The following ARMC1 variants were observed in gnomAD, a reference collection of about 807,000 sequenced individuals.
ARMC1 encodes armadillo repeat-containing protein 1.
A neutral mutation model predicts 31.4 loss-of-function variants in ARMC1; 16 were observed. The observed-to-expected ratio is 0.51, with a 90% confidence interval of 0.34 to 0.77. The LOEUF (loss-of-function observed/expected upper bound fraction) is 0.77, where lower values mean the gene tolerates loss of function less well. Ranked by LOEUF, ARMC1 falls within the 30% of genes least tolerant of loss-of-function variation. The probability of loss-of-function intolerance (pLI) is 0.01; values close to 1 mark genes in which losing one functional copy is unlikely to be tolerated. For missense variants in ARMC1, 259 were observed against 347.5 expected, an observed-to-expected ratio of 0.75 and a Z score of 2.02; for synonymous variants, 114 against 118.9, an observed-to-expected ratio of 0.96 and a Z score of 0.27.
chr8:65,604,272 G>T lies in ARMC1; in HGVS notation c.*122C>A. ...CAATAAAACGTGAAATGCAGCATAT[G>T]CGATCGTGTAATCTAAAAACTTTTC... On this transcript the variant is annotated 3_prime_UTR_variant, in exon 7 of 7. Coordinates refer to ENST00000276569, the MANE Select transcript of ARMC1 (RefSeq NM_018120.6). The T allele has an allele frequency of 1.2e-6, 1 of 863,562 alleles. No individual in the cohort carries two copies. Among genetic ancestry groups the T allele is most frequent in the Non-Finnish European group, 1.8e-6 (1 of 562,594 alleles). 53.5% of individuals were successfully genotyped at this position (863,562 alleles called of 1,614,324 possible). A position where few individuals can be genotyped will look rare whatever the true frequency, so the allele number is the denominator to read the frequency against.
At chr8:65,627,002 CAA>C (rs139404458) in intron 2 of ARMC1, among the ~76,000 whole-genome samples, 15 of 137,988 alleles carry the variant, frequency 1.1e-4, no homozygotes, top group African/African-American at 1.1e-4. Context: ...CTAGATGACT[CAA>C]AAAAAAAAAA....
Position 65,605,255 on chromosome 8 carries a change from A to G in ARMC1, c.657+8T>C, listed in dbSNP as rs1807978436. ...TTGGATATAAAGAAAATTAAACACA[A>G]CTTTTACCTCTTCTCCACTTTCACT... On this transcript the variant is annotated splice_region_variant and intron_variant, in intron 6 of 6. Transcript: ENST00000276569. 2 of 1,607,574 alleles carry G rather than the reference A, an allele frequency of 1.2e-6. No individual in the cohort carries two copies.
intron 2 of ARMC1, among the ~76,000 whole-genome samples, chr8:65,623,735 G>A (rs920514478): frequency 1.4e-5 from 2 of 139,300 alleles, no homozygotes; most frequent in African/African-American, 2.7e-5. Context: ...CAAGAATTAC[G>A]GCAGTTTTCT....
chr8:65,605,438 G>C lies in ARMC1; in HGVS notation c.566C>G (p.Ser189Ter). The C allele has an allele frequency of 6.2e-7, 1 of 1,614,038 alleles. No homozygotes were observed. Among genetic ancestry groups the C allele is most frequent in the Non-Finnish European group, 8.5e-7 (1 of 1,179,932 alleles). Residue 189 changes from serine to a stop codon, truncating the protein, a stop_gained, in exon 5 of 7, where the codon TCA (serine) becomes TGA (stop). Transcript: ENST00000276569. LOFTEE classifies it high-confidence loss of function. ...AVQRCVVRIR[S>*]DLKAEALASA... ...AATACTTACCTCAGCTTTCAAATCT[G>C]AACGGATTCGCACCACACACCTTTG... is the stretch of plus-strand genomic sequence containing the variant.
intron 4 of ARMC1, among the ~76,000 whole-genome samples, chr8:65,611,780 CTT>C (rs1166154141): frequency 6.9e-6 from 1 of 144,316 alleles, no homozygotes; most frequent in Admixed American, 7.0e-5. Flanking sequence ...CTTTTTTTTT[CTT>C]TTTTTTTTTG....
intron 4 of ARMC1, among the ~76,000 whole-genome samples, chr8:65,612,938 AT>A (rs1808173178): frequency 6.6e-6 from 1 of 152,202 alleles, no homozygotes; most frequent in Non-Finnish European, 1.5e-5. Flanking sequence ...TGAGTCTTCT[AT>A]ATCCTTACTG....
At chr8:65,615,501 T>C (rs1397500825) in intron 3 of ARMC1, among the ~76,000 whole-genome samples, 1 of 151,314 alleles carries the variant, frequency 6.6e-6, no homozygotes, top group Non-Finnish European at 1.5e-5. Context: ...GGTTAGGAGT[T>C]CGAGCCCAGC....
intron 2 of ARMC1, among the ~76,000 whole-genome samples, chr8:65,624,337 A>C (rs1039389900): frequency 1.3e-5 from 2 of 151,604 alleles, no homozygotes; most frequent in African/African-American, 4.8e-5. Context: ...TGTCTCTACT[A>C]AAAATACAAA....
chr8:65,627,734 T>G (rs1385537028), intron 1 of ARMC1, among the ~76,000 whole-genome samples: 1 of 152,236 alleles, frequency 6.6e-6, no homozygotes, highest in Non-Finnish European at 1.5e-5. Flanking sequence ...TTCAAGCTAG[T>G]AAGCTTTGCT....
intron 3 of ARMC1, among the ~76,000 whole-genome samples, chr8:65,617,617 T>TA (rs879915422): frequency 8.8e-4 from 128 of 145,626 alleles, no homozygotes; most frequent in South Asian, 5.0e-3. Context: ...AATGATCAAT[T>TA]AAAAAAAAAA....
rs1196881472 is a variant in ARMC1, at chr8:65,604,593, A to C, written c.658-8T>G. On this transcript the variant is annotated splice_region_variant and splice_polypyrimidine_tract_variant and intron_variant, in intron 6 of 6. Coordinates refer to ENST00000276569, the MANE Select transcript of ARMC1 (RefSeq NM_018120.6). ...TTGGAATGGGACCAACATCTGATAC[A>C]GAAAATATTGAGAGTTATTACAAAA... is the stretch of plus-strand genomic sequence containing the variant. 6.2e-7 allele frequency: 1 copy of C among 1,610,356 alleles called. No individual in the cohort carries two copies. Among genetic ancestry groups the C allele is most frequent in the African/African-American group, 1.3e-5 (1 of 74,848 alleles).
intron 3 of ARMC1, among the ~76,000 whole-genome samples, chr8:65,616,625 GGCT>G (rs1808267284): frequency 6.8e-6 from 1 of 146,196 alleles, no homozygotes; most frequent in African/African-American, 2.6e-5. Flanking sequence ...GCCTCTGCCC[GGCT>G]GCCCAGTCTG....
At chr8:65,623,035 C>A (rs1450717939) in intron 2 of ARMC1, among the ~76,000 whole-genome samples, 1 of 149,630 alleles carries the variant, frequency 6.7e-6, no homozygotes, top group Non-Finnish European at 1.5e-5. Context: ...AAAGGCTGGG[C>A]GCAGTGGCTC....
rs552024096 is a variant in ARMC1, at chr8:65,629,086, C to T, written c.-35-1653G>A. Reference sequence around the variant, plus strand: ...GGGAGAACTGACTGAACCTGGGAAGCGGAGGTTGCAGTGAGCCGAGATTGC... The same window carrying T: ...GGGAGAACTGACTGAACCTGGGAAGTGGAGGTTGCAGTGAGCCGAGATTGC... On this transcript the variant is annotated intron_variant, in intron 1 of 6. Transcript: ENST00000276569. Among the ~76,000 whole-genome samples, 61 of 149,150 alleles carry T rather than the reference C, an allele frequency of 4.1e-4. No homozygotes were observed. In the South Asian group the frequency reaches 0.011, roughly 27 times the overall value.
intron 3 of ARMC1, among the ~76,000 whole-genome samples, chr8:65,616,449 G>A (rs1005999157): frequency 2.6e-5 from 4 of 152,234 alleles, no homozygotes; most frequent in African/African-American, 9.6e-5. Context: ...ATGGTGCCCA[G>A]GCTGGAGTGC....
chr8:65,628,955 A>T (rs1361225597), intron 1 of ARMC1, among the ~76,000 whole-genome samples: 3 of 151,124 alleles, frequency 2.0e-5, no homozygotes, highest in Non-Finnish European at 4.4e-5. Flanking sequence ...GGAGTTCAAG[A>T]CCAGCCTGGT....
chr8:65,631,322 C>T (rs1320786833), intron 1 of ARMC1, among the ~76,000 whole-genome samples: 1 of 152,150 alleles, frequency 6.6e-6, no homozygotes, highest in Non-Finnish European at 1.5e-5. Context: ...ACAACCTCTG[C>T]CTCTCAGGTT....
intron 3 of ARMC1, among the ~76,000 whole-genome samples, chr8:65,615,747 T>C (rs1311140621): frequency 6.6e-6 from 1 of 151,878 alleles, no homozygotes; most frequent in Non-Finnish European, 1.5e-5. Flanking sequence ...TAAAATAAAG[T>C]AGCCAGGTGT....
At chr8:65,610,658 G>A (rs770868298) in intron 4 of ARMC1, among the ~76,000 whole-genome samples, 20 of 151,698 alleles carry the variant, frequency 1.3e-4, no homozygotes, top group African/African-American at 3.6e-4. Flanking sequence ...TTGTGCCATC[G>A]CACTCCAGCC....
Sources: allele counts gnomAD v4.1 joint callset (sites outside exome capture counted in the v4.1 genomes callset), GRCh38; gene constraint gnomAD v4.1.1; transcripts MANE v1.5; gene names NCBI Gene and HGNC (gene_info 2026-07-23, HGNC 2026-07-21).